Variants in NPHP4 observed in about 807,000 individuals in gnomAD.
The protein encoded by NPHP4 is nephrocystin-4.
NPHP4 carries 151 observed loss-of-function variants against 155.8 expected under a neutral mutation model. The ratio of observed to expected loss-of-function variants is 0.97; its 90% CI spans 0.85 to 1.11. NPHP4 has a LOEUF of 1.11. NPHP4 is among the 50% of genes least tolerant of loss of function. NPHP4 has a pLI of 0.00. For missense variants in NPHP4, 1,956 were observed against 1,925.7 expected (o/e 1.02, Z -0.29); for synonymous variants, 845 against 816.8 (o/e 1.03, Z -0.59).
At chr1:5,940,299 C>T (rs531277577) in intron 9 of NPHP4, among the ~76,000 whole-genome samples, 94 of 152,152 alleles carry the variant, frequency 6.2e-4, no homozygotes, top group Admixed American at 1.2e-3. Flanking sequence ...TTTGCCCTTT[C>T]GCTAGGGAGT....
At chr1:5,964,813 A>G (rs2047810) in intron 5 of NPHP4, among the ~76,000 whole-genome samples, 98,464 of 148,758 alleles carry the variant, frequency 0.66, 32,565 homozygotes, top group East Asian at 0.77. Context: ...AGGTGAGGGG[A>G]TGGGGAAAGG....
At position 5,910,569 on chromosome 1, in the gene NPHP4, G is replaced by C. The variant is rs1234598904; in HGVS notation, c.1442-1356C>G. 6.6e-6 allele frequency among the ~76,000 whole-genome samples: 1 copy of C among 152,134 alleles called. No individual in the cohort carries two copies. Among genetic ancestry groups the C allele is most frequent in the Non-Finnish European group, 1.5e-5 (1 of 68,038 alleles). On this transcript the variant is annotated intron_variant, in intron 11 of 29. Coordinates refer to ENST00000378156, the MANE Select transcript of NPHP4 (RefSeq NM_015102.5). The surrounding 1 kb of genome is among the most constrained non-coding windows in gnomAD (Gnocchi z 5.4). ...GCACAGAGCACAGGCCGGCACTTAC[G>C]GGACCTACGGACCAAGCACACAGCA...
chr1:5,985,394 G>T lies in NPHP4; in HGVS notation c.135+761C>A, dbSNP rs572163730. On this transcript the variant is annotated intron_variant, in intron 2 of 29. Transcript: ENST00000378156. ...TCCAGCAGGTTCCCCGCCAGCTGAA[G>T]GGCACAGATGGATGTGCCGCCATCA... 2.2e-4 allele frequency among the ~76,000 whole-genome samples: 34 copies of T among 152,382 alleles called. No homozygotes were observed. In the South Asian group the frequency reaches 5.2e-3, roughly 23 times the overall value.
intron 9 of NPHP4, among the ~76,000 whole-genome samples, chr1:5,941,996 CA>C (rs1160240838): frequency 6.6e-6 from 1 of 152,180 alleles, no homozygotes; most frequent in African/African-American, 2.4e-5. Flanking sequence ...CACGTGGTCT[CA>C]GAGTCTCCCC....
intron 2 of NPHP4, among the ~76,000 whole-genome samples, chr1:5,981,332 T>C (rs180941694): frequency 2.8e-4 from 42 of 152,316 alleles, no homozygotes; most frequent in African/African-American, 7.9e-4. Flanking sequence ...CACTGAGAGC[T>C]TCCTGAAGAC....
rs372256326 is a variant in NPHP4 at position 5,867,054 on chromosome 1, G to T, written c.3534C>A (p.Asn1178Lys). The part of the protein sequence containing the change: ...PPVHVRCSDP[N>K]VICETQNVGP... Reference sequence around the variant, plus strand: ...CCACATTCTGGGTCTCACAGATGACGTTCGGGTCGCTGCAGCGAACATGGA... The same window carrying T: ...CCACATTCTGGGTCTCACAGATGACTTTCGGGTCGCTGCAGCGAACATGGA... Residue 1178 changes from asparagine to lysine, a missense_variant, in exon 25 of 30, where the codon AAC (asparagine) becomes AAA (lysine). Coordinates refer to ENST00000378156, the MANE Select transcript of NPHP4 (RefSeq NM_015102.5). The surrounding 1 kb of genome is among the most constrained non-coding windows in gnomAD (Gnocchi z 4.1). 2 of 1,613,104 alleles carry T rather than the reference G, an allele frequency of 1.2e-6. No individual in the cohort carries two copies. Among genetic ancestry groups the T allele is most frequent in the Non-Finnish European group, 1.7e-6 (2 of 1,179,508 alleles).
chr1:5,951,508 CT>C (rs1229974367), intron 7 of NPHP4, among the ~76,000 whole-genome samples: 1 of 152,204 alleles, frequency 6.6e-6, no homozygotes, highest in African/African-American at 2.4e-5. Context: ...GGGCTGACCC[CT>C]CTTCTCCCTA....
rs72857418 is a variant in NPHP4 at position 5,909,402 on chromosome 1, A to G, written c.1442-189T>C. Among the ~76,000 whole-genome samples the G allele has an allele frequency of 0.021, 3,206 of 152,324 alleles. 92 individuals are homozygous for G. The highest frequency in any genetic ancestry group is 0.07 in the African/African-American group (2,910 of 41,554). On this transcript the variant is annotated intron_variant, in intron 11 of 29. Transcript: ENST00000378156. Reference sequence around the variant, plus strand: ...CACCCAAAAGTGTCGCTGTCTATCTAGAGCCCTGGCATGCACCAGCAGCCA... The same window carrying G: ...CACCCAAAAGTGTCGCTGTCTATCTGGAGCCCTGGCATGCACCAGCAGCCA...
At chr1:5,969,376 T>C (rs961417957) in intron 3 of NPHP4, 117 bp from the exon 4 acceptor site, 3 of 576,450 alleles carry the variant, frequency 5.2e-6, no homozygotes, top group African/African-American at 1.9e-5. Context: ...TCCGGAACCC[T>C]CTACCATGCC....
At chr1:5,879,820 CACACACACACGCAAACACACACAG>C (rs1310394490) in intron 19 of NPHP4, among the ~76,000 whole-genome samples, 18 of 141,436 alleles carry the variant, frequency 1.3e-4, no homozygotes, top group South Asian at 4.4e-4. Flanking sequence ...CACGCAAACA[CACACACACACGCAAACACACACAG>C]ACACGCACAC....
intron 16 of NPHP4, among the ~76,000 whole-genome samples, chr1:5,899,239 G>A (rs1239865750): frequency 6.6e-6 from 1 of 152,176 alleles, no homozygotes; most frequent in Non-Finnish European, 1.5e-5. Flanking sequence ...GCACTATGCA[G>A]AAGAGCCAAA....
intron 3 of NPHP4, among the ~76,000 whole-genome samples, chr1:5,976,452 A>C (rs1653600927): frequency 6.6e-6 from 1 of 152,202 alleles, no homozygotes; most frequent in Non-Finnish European, 1.5e-5. Flanking sequence ...AAAGCTAAAC[A>C]GCTCTATCCC....
chr1:5,868,822 A>G lies in NPHP4; in HGVS notation c.3316-926T>C, dbSNP rs548906842. 5.3e-3 allele frequency among the ~76,000 whole-genome samples: 776 copies of G among 145,130 alleles called. 7 individuals carry two copies. Among genetic ancestry groups the G allele is most frequent in the African/African-American group, 0.017 (674 of 38,552 alleles). On this transcript the variant is annotated intron_variant, in intron 23 of 29. Coordinates refer to ENST00000378156, the MANE Select transcript of NPHP4 (RefSeq NM_015102.5). ...CATACATGCACACACATCCACCCAC[A>G]CATGCACACACGCACCCACACACGC...
intron 1 of NPHP4, among the ~76,000 whole-genome samples, chr1:5,989,174 C>G (rs1655895980): frequency 6.6e-6 from 1 of 152,130 alleles, no homozygotes; most frequent in Non-Finnish European, 1.5e-5. Flanking sequence ...CCAATGCCCA[C>G]AACTGCCCAC....
rs1478556150 is a variant in NPHP4 at position 5,889,316 on chromosome 1, A to G, written c.2304+1552T>C. Among the ~76,000 whole-genome samples, 2 of 152,268 alleles carry G rather than the reference A, an allele frequency of 1.3e-5. No individual in the cohort carries two copies. Among genetic ancestry groups the G allele is most frequent in the African/African-American group, 4.8e-5 (2 of 41,472 alleles). On this transcript the variant is annotated intron_variant, in intron 17 of 29. Coordinates refer to ENST00000378156, the MANE Select transcript of NPHP4 (RefSeq NM_015102.5). The surrounding 1 kb of genome is among the most constrained non-coding windows in gnomAD (Gnocchi z 4.2). ...ACCGGAGCAACCTAACTCTCCCAGG[A>G]TCTGGAGTCCAGAGGATTCTCTCTG... is the stretch of plus-strand genomic sequence containing the variant.
At chr1:5,958,738 A>G (rs1481262904) in intron 6 of NPHP4, among the ~76,000 whole-genome samples, 1 of 151,012 alleles carries the variant, frequency 6.6e-6, no homozygotes, top group Non-Finnish European at 1.5e-5. Context: ...ACATGCCTAT[A>G]GTCCTTACTA....
At chr1:5,885,954 G>C (rs192718993) in intron 18 of NPHP4, among the ~76,000 whole-genome samples, 50 of 152,314 alleles carry the variant, frequency 3.3e-4, no homozygotes, top group African/African-American at 1.2e-3. Flanking sequence ...CTCCCAGGCT[G>C]GCTATCTCAG....
chr1:5,986,327 T>A lies in NPHP4; in HGVS notation c.-38A>T. ...AGGGTCCCGTGGGCTTCCCGGATGA[T>A]CTGTGCCAGTCGTATTCAAATAAAG... On this transcript the variant is annotated splice_region_variant and 5_prime_UTR_variant, in exon 2 of 30. Coordinates refer to ENST00000378156, the MANE Select transcript of NPHP4 (RefSeq NM_015102.5). The A allele has an allele frequency of 1.9e-6, 3 of 1,610,610 alleles. No homozygotes were observed. The highest frequency in any genetic ancestry group is 2.5e-6 in the Non-Finnish European group (3 of 1,178,178).
At position 5,891,032 on chromosome 1, in the gene NPHP4, T is replaced by C; in HGVS notation, c.2144-4A>G. Reference sequence around the variant, plus strand: ...CTCAGCTGGAAGCCAGGAGACCCTGTCAAAGAGGCACCAAAGGAGGCCAAA... The same window carrying C: ...CTCAGCTGGAAGCCAGGAGACCCTGCCAAAGAGGCACCAAAGGAGGCCAAA... On this transcript the variant is annotated splice_polypyrimidine_tract_variant and splice_region_variant and intron_variant, in intron 16 of 29. Transcript: ENST00000378156. 1.3e-6 allele frequency: 2 copies of C among 1,524,984 alleles called. No individual in the cohort carries two copies. The highest frequency in any genetic ancestry group is 2.3e-5 in the East Asian group (1 of 43,174). The allele number at this position is 1,524,984 out of a possible 1,614,324, so 94.5% of individuals were successfully genotyped here. A position where few individuals can be genotyped will look rare whatever the true frequency, so the allele number is the denominator to read the frequency against.
Sources: allele counts gnomAD v4.1 joint callset (sites outside exome capture counted in the v4.1 genomes callset), GRCh38; gene constraint gnomAD v4.1.1; non-coding constraint Gnocchi (gnomAD v3.1); transcripts MANE v1.5; gene names NCBI Gene and HGNC (gene_info 2026-07-23, HGNC 2026-07-21).